MYLK: variants seen among roughly 807,000 people sequenced by gnomAD.
MYLK encodes the protein myosin light chain kinase, smooth muscle.
Under a neutral mutation model 203.4 loss-of-function variants are expected in MYLK, and 106 were observed. That is an observed-to-expected ratio of 0.52 (90% CI 0.45 to 0.61). The LOEUF (loss-of-function observed/expected upper bound fraction) is 0.61. Ranked by LOEUF, MYLK falls within the 20% of genes least tolerant of loss-of-function variation. MYLK has a pLI of 0.00. For synonymous variants in MYLK, 867 were observed against 959.5 expected (o/e 0.90, Z 1.78); for missense variants, 2,072 against 2,442.3 (o/e 0.85, Z 3.20).
At chr3:123,857,670 A>G in intron 2 of MYLK, among the ~76,000 whole-genome samples, 2 of 134,954 alleles carry the variant, frequency 1.5e-5, no homozygotes, top group African/African-American at 2.8e-5. Flanking sequence ...GGGGGGAGGG[A>G]TAGCATTGGG....
chr3:123,753,347 C>A (rs2108885420), intron 4 of MYLK, among the ~76,000 whole-genome samples: 1 of 152,304 alleles, frequency 6.6e-6, no homozygotes, highest in Non-Finnish European at 1.5e-5. Flanking sequence ...TACATCCAGG[C>A]CTTGTGACAG....
At chr3:123,790,312 G>A (rs1576984918) in intron 4 of MYLK, among the ~76,000 whole-genome samples, 1 of 152,196 alleles carries the variant, frequency 6.6e-6, no homozygotes, top group South Asian at 2.1e-4. Flanking sequence ...CAGCCCAAAT[G>A]TGTCACTGGG....
At chr3:123,882,148 G>A (rs1290745649) in intron 1 of MYLK, among the ~76,000 whole-genome samples, 5 of 152,348 alleles carry the variant, frequency 3.3e-5, no homozygotes, top group Middle Eastern at 3.4e-3. Flanking sequence ...CTGGCTGGGT[G>A]CAGTGGCTCA....
intron 5 of MYLK, among the ~76,000 whole-genome samples, chr3:123,747,564 C>T (rs999933075): frequency 5.3e-5 from 8 of 152,216 alleles, no homozygotes; most frequent in East Asian, 1.9e-4. Context: ...AATTAAATCC[C>T]TCCTTGCTAC....
intron 3 of MYLK, among the ~76,000 whole-genome samples, chr3:123,830,301 C>T (rs1394416934): frequency 1.3e-5 from 2 of 152,162 alleles, no homozygotes; most frequent in African/African-American, 2.4e-5. Context: ...CCATCTGAGC[C>T]ACATATGCTG....
chr3:123,709,671 T>C, intron 14 of MYLK, 85 bp downstream of exon 14: 3 of 1,565,160 alleles, frequency 1.9e-6, no homozygotes, highest in Non-Finnish European at 1.8e-6. Flanking sequence ...GGATCAAGGA[T>C]CTGAGCGGGT....
chr3:123,722,107 C>T (rs775356574), intron 13 of MYLK, 21 bp downstream of exon 13: 2 of 1,558,884 alleles, frequency 1.3e-6, no homozygotes, highest in East Asian at 2.4e-5. Flanking sequence ...TGCTTCTACC[C>T]AGGTGCCCAG....
chr3:123,692,008 T>C lies in MYLK; in HGVS notation c.3565+727A>G, dbSNP rs746093822. Among the ~76,000 whole-genome samples the C allele has an allele frequency of 7.2e-4, 110 of 152,220 alleles. 1 individual carries two copies. The highest frequency in any genetic ancestry group is 1.0e-4 in the Non-Finnish European group (7 of 68,038). ...GTGTTCATCTAAATCATCACGAGGT[T>C]CATCCTACTTCTCAGGTTCCAATTC... is the stretch of plus-strand genomic sequence containing the variant. On this transcript the variant is annotated intron_variant, in intron 19 of 33. Coordinates refer to ENST00000360304, the MANE Select transcript of MYLK (RefSeq NM_053025.4).
At chr3:123,703,606 A>T (rs2061334425) in intron 16 of MYLK, among the ~76,000 whole-genome samples, 1 of 152,212 alleles carries the variant, frequency 6.6e-6, no homozygotes, top group African/African-American at 2.4e-5. Flanking sequence ...CCCTGGGAGA[A>T]CGAAGAGGTC....
At chr3:123,814,592 TAC>T (rs1269899897) in intron 3 of MYLK, among the ~76,000 whole-genome samples, 2 of 152,226 alleles carry the variant, frequency 1.3e-5, no homozygotes, top group Non-Finnish European at 2.9e-5. Context: ...AAATTATATA[TAC>T]AAATTATCAT....
At chr3:123,870,243 G>A (rs920934866) in intron 2 of MYLK, among the ~76,000 whole-genome samples, 9 of 152,200 alleles carry the variant, frequency 5.9e-5, no homozygotes, top group Non-Finnish European at 1.0e-4. Flanking sequence ...GACCAAACAT[G>A]AGTCACATTT....
chr3:123,876,355 GGAT>G (rs1348064318), intron 2 of MYLK, among the ~76,000 whole-genome samples: 4 of 151,872 alleles, frequency 2.6e-5, no homozygotes, highest in Non-Finnish European at 5.9e-5. Flanking sequence ...TAGTTCAGAA[GGAT>G]CTTTATATTT....
At chr3:123,822,293 C>T (rs192967633) in intron 3 of MYLK, among the ~76,000 whole-genome samples, 28 of 152,280 alleles carry the variant, frequency 1.8e-4, no homozygotes, top group African/African-American at 6.5e-4. Flanking sequence ...CAAAAATGGC[C>T]AGACCCTCAG....
intron 3 of MYLK, chr3:123,831,248 A>G (rs1389481194): frequency 1.7e-5 from 10 of 605,864 alleles, no homozygotes; most frequent in Non-Finnish European, 2.5e-5. Flanking sequence ...AACAGTTTCT[A>G]GCAGCAGCCA....
chr3:123,615,652 T>TC (rs1279286902), intron 33 of MYLK, among the ~76,000 whole-genome samples: 5 of 10,870 alleles, frequency 4.6e-4, no homozygotes, highest in Non-Finnish European at 8.2e-4. Flanking sequence ...CAATTTTCTA[T>TC]CTTTTTTTTT....
chr3:123,847,038 C>A (rs554967233), intron 2 of MYLK, among the ~76,000 whole-genome samples: 30 of 152,096 alleles, frequency 2.0e-4, no homozygotes, highest in Non-Finnish European at 4.4e-4. Context: ...ACGGCTTCAA[C>A]CAACTGCAAA....
chr3:123,815,969 G>A (rs142151278), intron 3 of MYLK, among the ~76,000 whole-genome samples: 193 of 152,340 alleles, frequency 1.3e-3, no homozygotes, highest in Middle Eastern at 6.8e-3. Context: ...GCTCAGCCCA[G>A]CTCAGATTCT....
rs137968965 is a variant in MYLK at position 123,785,165 on chromosome 3, A to G, written c.165+8512T>C. Among the ~76,000 whole-genome samples the G allele has an allele frequency of 1.4e-3, 214 of 152,358 alleles. 2 individuals are homozygous for G. In the Middle Eastern group the frequency reaches 0.02, roughly 15 times the overall value. On this transcript the variant is annotated intron_variant, in intron 4 of 33. Coordinates refer to ENST00000360304, the MANE Select transcript of MYLK (RefSeq NM_053025.4). ...TATGTCCTTCAATGCAATGCCAAGA[A>G]AATCTCTCATCCACTAATGTCCCTC...
intron 29 of MYLK, among the ~76,000 whole-genome samples, chr3:123,635,250 C>T (rs1159392191): frequency 6.6e-6 from 1 of 152,238 alleles, no homozygotes; most frequent in East Asian, 1.9e-4. Flanking sequence ...ATGAGGGCCA[C>T]CAGAGAGCCT....
Sources: allele counts gnomAD v4.1 joint callset (sites outside exome capture counted in the v4.1 genomes callset), GRCh38; gene constraint gnomAD v4.1.1; transcripts MANE v1.5; gene names NCBI Gene and HGNC (gene_info 2026-07-23, HGNC 2026-07-21).